Variants in ANXA2 observed in about 807,000 individuals in gnomAD.
ANXA2 encodes the protein annexin A2.
A neutral mutation model predicts 47.3 loss-of-function variants in ANXA2; 28 were observed. That is an observed-to-expected ratio of 0.59 (90% CI 0.44 to 0.81). ANXA2 has a LOEUF of 0.81. Ranked by LOEUF, ANXA2 falls within the 40% of genes least tolerant of loss-of-function variation. The pLI is 0.00. For missense variants in ANXA2, 384 were observed against 414.3 expected (o/e 0.93, Z 0.64); for synonymous variants, 172 against 155.5 (o/e 1.11, Z -0.79).
chr15:60,351,407 C>T (rs1896007852), intron 10 of ANXA2, 156 bp from the exon 11 acceptor site: 1 of 731,178 alleles, frequency 1.4e-6, no homozygotes, highest in Non-Finnish European at 2.3e-6. Context: ...ATCTAGAAAT[C>T]CTCTGCAATA....
intron 3 of ANXA2, among the ~76,000 whole-genome samples, chr15:60,377,008 C>G (rs2062788450): frequency 6.6e-6 from 1 of 152,256 alleles, no homozygotes; most frequent in Non-Finnish European, 1.5e-5. Flanking sequence ...GAGGGCCAGT[C>G]ATCGTCACAT....
At chr15:60,358,263 A>G (rs570840178) in intron 5 of ANXA2, among the ~76,000 whole-genome samples, 1 of 152,242 alleles carries the variant, frequency 6.6e-6, no homozygotes, top group Non-Finnish European at 1.5e-5. Context: ...GATGTATTCA[A>G]ATTTAATATA....
chr15:60,354,097 G>T, intron 8 of ANXA2, 57 bp downstream of exon 8: 1 of 1,407,224 alleles, frequency 7.1e-7, no homozygotes, highest in Non-Finnish European at 1.0e-6. Context: ...TTACTATATA[G>T]ACTATCCAGA....
chr15:60,366,296 C>T (rs1444097296), intron 3 of ANXA2, among the ~76,000 whole-genome samples: 3 of 151,220 alleles, frequency 2.0e-5, no homozygotes, highest in Non-Finnish European at 4.4e-5. Context: ...AGCGTCTCTG[C>T]CTGGCCGCCC....
At chr15:60,358,679 C>T (rs1249498328) in intron 5 of ANXA2, among the ~76,000 whole-genome samples, 1 of 152,198 alleles carries the variant, frequency 6.6e-6, no homozygotes, top group African/African-American at 2.4e-5. Context: ...GCCAAAAATT[C>T]TCCCCTTGTT....
At chr15:60,389,967 C>A (rs1447108072) in intron 1 of ANXA2, among the ~76,000 whole-genome samples, 1 of 152,166 alleles carries the variant, frequency 6.6e-6, no homozygotes, top group Non-Finnish European at 1.5e-5. Flanking sequence ...CCTACACGTG[C>A]CAAGTATTCA....
At chr15:60,390,684 C>G (rs941650144) in intron 1 of ANXA2, 6 of 228,302 alleles carry the variant, frequency 2.6e-5, no homozygotes, top group Non-Finnish European at 8.9e-6. Flanking sequence ...CAGTTCTAAG[C>G]ATCATCTTTT....
rs769705842 is a variant in ANXA2, at chr15:60,351,788, A to G, written c.714T>C (p.Tyr238=). The change falls in exon 10 of 13, where the codon TAT becomes TAC. Residue 238 remains tyrosine (Y), a synonymous_variant. Transcript: ENST00000451270. ...CTTTCCTGATGCTTTCCAACATGTC[A>G]TAAGGGCTGTAACTCTTGTACCTAT... The part of the protein sequence containing the change: ...VFDRYKSYSP[Y]DMLESIRKEV... 8.1e-6 allele frequency: 13 copies of G among 1,613,740 alleles called. No homozygotes were observed. The highest frequency in any genetic ancestry group is 1.3e-5 in the African/African-American group (1 of 75,036).
intron 3 of ANXA2, among the ~76,000 whole-genome samples, chr15:60,365,441 A>G (rs933190459): frequency 3.9e-5 from 6 of 152,228 alleles, no homozygotes; most frequent in African/African-American, 1.4e-4. Context: ...AATGAAAGAA[A>G]CAGTCTTTGC....
chr15:60,375,665 T>C (rs900154147), intron 3 of ANXA2, among the ~76,000 whole-genome samples: 5 of 152,214 alleles, frequency 3.3e-5, no homozygotes, highest in African/African-American at 1.2e-4. Context: ...AGTCGTTGCA[T>C]AGTCTACCTC....
intron 1 of ANXA2, chr15:60,393,547 G>A (rs1443111644): frequency 5.8e-5 from 57 of 985,420 alleles, no homozygotes; most frequent in Non-Finnish European, 6.4e-5. Context: ...CACGCATCCT[G>A]CACAGAAGAG....
chr15:60,366,268 C>A (rs1321916431), intron 3 of ANXA2, among the ~76,000 whole-genome samples: 2 of 151,410 alleles, frequency 1.3e-5, no homozygotes, highest in Non-Finnish European at 2.9e-5. Context: ...CGGCCGCCAC[C>A]CCGTCTGGGA....
At position 60,357,016 on chromosome 15, in the gene ANXA2, T is replaced by C. The variant is rs1248145600; in HGVS notation, c.448+130A>G. On this transcript the variant is annotated intron_variant, in intron 6 of 12. Coordinates refer to ENST00000451270, the MANE Select transcript of ANXA2 (RefSeq NM_004039.3). ...TGGACCACAGCCAACCTTGCCTGCA[T>C]AGTCAAGGTGGCAGGCACTTCTGCA... 7 of 725,626 alleles carry C rather than the reference T, an allele frequency of 9.6e-6. No homozygotes were observed. The East Asian group carries it at 1.3e-4, about 14-fold the overall frequency. The allele number at this position is 725,626 out of a possible 1,614,324, so 44.9% of individuals were successfully genotyped here.
At chr15:60,397,250 G>C (rs2063092758) in intron 1 of ANXA2, 4 of 984,238 alleles carry the variant, frequency 4.1e-6, no homozygotes, top group Non-Finnish European at 4.8e-6. Flanking sequence ...AATCATGGGG[G>C]ACACTACCTT....
intron 3 of ANXA2, among the ~76,000 whole-genome samples, chr15:60,376,678 G>A (rs10444804): frequency 0.18 from 27,721 of 152,132 alleles, 2,785 homozygotes; most frequent in Middle Eastern, 0.3. Context: ...AAGAGCAGGT[G>A]TGACTGACAG....
intron 5 of ANXA2, among the ~76,000 whole-genome samples, chr15:60,360,603 G>GT (rs142774008): frequency 4.6e-5 from 7 of 151,716 alleles, no homozygotes; most frequent in East Asian, 1.9e-4. Flanking sequence ...AAAGCTATGA[G>GT]TTTTTTTTTC....
chr15:60,379,488 A>C (rs2062826846), intron 3 of ANXA2, among the ~76,000 whole-genome samples: 1 of 150,560 alleles, frequency 6.6e-6, no homozygotes, highest in South Asian at 2.1e-4. Flanking sequence ...AAGGCAATGA[A>C]AAAAATCCAT....
At position 60,354,412 on chromosome 15, in the gene ANXA2, C is replaced by A. The variant is rs189692886; in HGVS notation, c.529-199G>T. On this transcript the variant is annotated intron_variant, in intron 7 of 12. Transcript: ENST00000451270. ...ATCCTAGGACTTTGGGAAGCCAAGG[C>A]GGGCAGATCACGAGGTCAGGAGATG... 4.1e-3 allele frequency among the ~76,000 whole-genome samples: 630 copies of A among 152,140 alleles called. 3 individuals are homozygous for A. Among genetic ancestry groups the A allele is most frequent in the African/African-American group, 0.014 (597 of 41,500 alleles).
Position 60,355,993 on chromosome 15 carries a change from T to G in ANXA2, c.454A>C (p.Lys152Gln), listed in dbSNP as rs755349052. ...ATAATGTCCTTCTCCAGATCAGTCT[T>G]GTACACTTGGAGGAAAATACATCTG... ...EINRVYKEMY[K>Q]TDLEKDIISD... The change falls in exon 7 of 13, where the codon AAG (lysine) becomes CAG (glutamine). Residue 152 changes from lysine (K) to glutamine (Q), a missense_variant. Lys to Gln is a moderately conservative substitution (Grantham distance 53). Transcript: ENST00000451270. 7.4e-6 allele frequency: 12 copies of G among 1,613,282 alleles called. No homozygotes were observed. The highest frequency in any genetic ancestry group is 7.6e-6 in the Non-Finnish European group (9 of 1,179,308).
Sources: allele counts gnomAD v4.1 joint callset (sites outside exome capture counted in the v4.1 genomes callset), GRCh38; gene constraint gnomAD v4.1.1; transcripts MANE v1.5; gene names NCBI Gene and HGNC (gene_info 2026-07-23, HGNC 2026-07-21).